The following SCP2 variants were observed in gnomAD, a reference collection of about 807,000 sequenced individuals.
The protein encoded by SCP2 is SCP-2/3-oxoacyl-CoA thiolase.
In SCP2, 48 loss-of-function variants were observed where a neutral mutation model predicts 71.4. The ratio of observed to expected loss-of-function variants is 0.67; its 90% CI spans 0.53 to 0.86. The LOEUF is 0.86. SCP2 is among the 40% of genes least tolerant of loss of function. The pLI is 0.00. For synonymous variants in SCP2, 220 were observed against 218.1 expected (o/e 1.01, Z -0.08); for missense variants, 560 against 655.6 (o/e 0.85, Z 1.59).
chr1:52,992,885 C>T (rs1453428657), intron 11 of SCP2, among the ~76,000 whole-genome samples: 4 of 152,124 alleles, frequency 2.6e-5, no homozygotes, highest in Non-Finnish European at 5.9e-5. Flanking sequence ...GCTTGGCAAA[C>T]AGCTTAGATT....
intron 12 of SCP2, among the ~76,000 whole-genome samples, chr1:53,025,769 C>T (rs1474086617): frequency 1.3e-5 from 2 of 152,242 alleles, no homozygotes; most frequent in Non-Finnish European, 2.9e-5. Flanking sequence ...TTGCTCCTCT[C>T]TCCATCGTCA....
intron 15 of SCP2, 24 bp downstream of exon 15, chr1:53,047,961 C>T: frequency 6.6e-7 from 1 of 1,520,296 alleles, no homozygotes. Flanking sequence ...AGCTTATATC[C>T]TGCTAGTAGG....
chr1:52,941,236 C>A (rs946670447), intron 1 of SCP2, among the ~76,000 whole-genome samples: 1 of 152,144 alleles, frequency 6.6e-6, no homozygotes, highest in African/African-American at 2.4e-5. Context: ...CTCTGGGAAG[C>A]CTTTCTTTTC....
At chr1:53,048,853 A>G (rs1187851370) in intron 15 of SCP2, 2 of 152,190 alleles carry the variant, frequency 1.3e-5, no homozygotes, top group Non-Finnish European at 2.9e-5. Flanking sequence ...TTCCATTAAT[A>G]AAAAAGAAAC....
chr1:52,943,374 C>T (rs531968932), intron 2 of SCP2, among the ~76,000 whole-genome samples: 14 of 152,056 alleles, frequency 9.2e-5, no homozygotes, highest in Non-Finnish European at 1.6e-4. Context: ...AGGCACCCCC[C>T]ACCTTGCCCA....
intron 2 of SCP2, among the ~76,000 whole-genome samples, chr1:52,944,577 G>C (rs1572059723): frequency 6.6e-6 from 1 of 152,124 alleles, no homozygotes; most frequent in Non-Finnish European, 1.5e-5. Context: ...GAGATGCTTT[G>C]ATCAGCTTTC....
intron 1 of SCP2, 67 bp downstream of exon 1, chr1:52,927,532 T>C: frequency 8.3e-7 from 1 of 1,206,614 alleles, no homozygotes; most frequent in Non-Finnish European, 1.2e-6. Flanking sequence ...GGTTTCTCTG[T>C]CCCTCCGGTC....
intron 1 of SCP2, among the ~76,000 whole-genome samples, chr1:52,932,561 G>A (rs563800967): frequency 6.6e-6 from 1 of 152,300 alleles, no homozygotes; most frequent in African/African-American, 2.4e-5. Context: ...AGTGAGAAAA[G>A]CCCCAGGGTG....
intron 6 of SCP2, among the ~76,000 whole-genome samples, chr1:52,968,540 ACAATT>A (rs1657180010): frequency 6.6e-6 from 1 of 152,216 alleles, no homozygotes; most frequent in South Asian, 2.1e-4. Context: ...TTTAAAGTGT[ACAATT>A]CAGTGATTTT....
chr1:52,962,623 C>T lies in SCP2; in HGVS notation c.523+994C>T, dbSNP rs187393077. On this transcript the variant is annotated intron_variant, in intron 6 of 15. Coordinates refer to ENST00000371514, the MANE Select transcript of SCP2 (RefSeq NM_002979.5). ...GTATCTCCGACCATTTTTTCTTTCA[C>T]TAGTCTGCTCCAACCACACTATCCT... is the stretch of plus-strand genomic sequence containing the variant. Among the ~76,000 whole-genome samples, 59 of 152,190 alleles carry T rather than the reference C, an allele frequency of 3.9e-4. 1 individual carries two copies. The highest frequency in any genetic ancestry group is 1.3e-3 in the African/African-American group (55 of 41,552).
intron 13 of SCP2, among the ~76,000 whole-genome samples, chr1:53,031,286 T>C (rs1662528710): frequency 6.6e-6 from 1 of 152,238 alleles, no homozygotes. Context: ...TGCAAATGTA[T>C]GCCTCTTGCT....
At chr1:52,964,214 C>CT (rs200065864) in intron 6 of SCP2, among the ~76,000 whole-genome samples, 3,193 of 134,632 alleles carry the variant, frequency 0.024, 69 homozygotes, top group African/African-American at 0.052. Flanking sequence ...TCTTTTCTCT[C>CT]TTTTTTTTTT....
chr1:53,000,268 AAAG>A (rs1286419254), intron 11 of SCP2, among the ~76,000 whole-genome samples: 7 of 149,250 alleles, frequency 4.7e-5, no homozygotes, highest in Non-Finnish European at 8.8e-5. Context: ...AAAAAAAAAA[AAAG>A]AAAGAATAAG....
chr1:52,951,933 G>A (rs1208431401), intron 4 of SCP2, among the ~76,000 whole-genome samples: 5 of 152,008 alleles, frequency 3.3e-5, no homozygotes, highest in Admixed American at 3.3e-4. Flanking sequence ...TGGCCAGGCT[G>A]GTCTCAAACT....
At chr1:53,024,132 C>T (rs868208842) in intron 12 of SCP2, among the ~76,000 whole-genome samples, 3 of 152,146 alleles carry the variant, frequency 2.0e-5, no homozygotes, top group African/African-American at 4.8e-5. Flanking sequence ...TTTTGAAAAT[C>T]CTGACATGCT....
At chr1:52,965,610 C>T (rs903367349) in intron 6 of SCP2, among the ~76,000 whole-genome samples, 6 of 151,916 alleles carry the variant, frequency 3.9e-5, no homozygotes, top group African/African-American at 9.7e-5. Flanking sequence ...CCAAGGTGGT[C>T]GTTGCTTGTG....
At chr1:52,929,837 A>T (rs1332576752) in intron 1 of SCP2, among the ~76,000 whole-genome samples, 1 of 152,006 alleles carries the variant, frequency 6.6e-6, no homozygotes, top group Non-Finnish European at 1.5e-5. Context: ...GTTAGCCAGG[A>T]TGGTCTTAAC....
At chr1:52,942,020 ATTC>A (rs1357194672) in intron 2 of SCP2, among the ~76,000 whole-genome samples, 167 bp downstream of exon 2, 4 of 152,234 alleles carry the variant, frequency 2.6e-5, no homozygotes, top group Non-Finnish European at 4.4e-5. Context: ...GAGCTTGGGC[ATTC>A]TTAGCAGCTA....
At chr1:52,976,808 A>T in intron 8 of SCP2, 39 bp downstream of exon 8, 1 of 1,013,468 alleles carries the variant, frequency 9.9e-7, no homozygotes, top group Non-Finnish European at 1.6e-6. Flanking sequence ...GAGGGAAGTA[A>T]CTGCTGCCCT....
Sources: gnomAD v4.1 joint callset for allele counts (sites outside exome capture counted in the v4.1 genomes callset) on GRCh38, gnomAD v4.1.1 for gene constraint, MANE v1.5 for transcripts, NCBI Gene and HGNC (gene_info 2026-07-23, HGNC 2026-07-21) for gene names.